Variants in MACF1 observed in about 807,000 individuals in gnomAD.
MACF1 encodes the protein microtubule actin crosslinking factor 1.
A neutral mutation model predicts 854.8 loss-of-function variants in MACF1; 193 were observed. That is an observed-to-expected ratio of 0.23 (90% CI 0.20 to 0.25). The LOEUF (loss-of-function observed/expected upper bound fraction) is 0.25, where lower values mean the gene tolerates loss of function less well. Ranked by LOEUF, MACF1 falls within the 10% of genes least tolerant of loss-of-function variation. The probability of loss-of-function intolerance (pLI) is 1.00; values close to 1 mark genes in which losing one functional copy is unlikely to be tolerated. For missense variants in MACF1, 7,722 were observed against 8,929.1 expected, an observed-to-expected ratio of 0.86 and a Z score of 5.45; for synonymous variants, 3,185 against 3,226.7, an observed-to-expected ratio of 0.99 and a Z score of 0.44.
chr1:39,138,987 C>T, intron 2 of MACF1, among the ~76,000 whole-genome samples: 1 of 152,160 alleles, frequency 6.6e-6, no homozygotes, highest in East Asian at 1.9e-4. Context: ...TTTTTATGAA[C>T]TGTCTGGAGA....
chr1:39,120,376 T>C (rs1642669471), intron 2 of MACF1, among the ~76,000 whole-genome samples: 1 of 152,128 alleles, frequency 6.6e-6, no homozygotes, highest in South Asian at 2.1e-4. Flanking sequence ...GTCTTCCTAC[T>C]ACAAGAGTGA....
At chr1:39,165,300 G>A in intron 2 of MACF1, among the ~76,000 whole-genome samples, 1 of 152,208 alleles carries the variant, frequency 6.6e-6, no homozygotes, top group South Asian at 2.1e-4. Context: ...ATGCTTCTGG[G>A]GTGAGGCCTG....
At chr1:39,274,684 A>C (rs370792088) in intron 6 of MACF1, among the ~76,000 whole-genome samples, 1 of 152,174 alleles carries the variant, frequency 6.6e-6, no homozygotes, top group Non-Finnish European at 1.5e-5. Flanking sequence ...AGGGGTTACT[A>C]TCCTATAGAT....
intron 2 of MACF1, among the ~76,000 whole-genome samples, chr1:39,186,812 G>A (rs1644179924): frequency 6.6e-6 from 1 of 151,578 alleles, no homozygotes; most frequent in Admixed American, 6.6e-5. Context: ...GTCTTGTTTT[G>A]TTCTCCAGGC....
At chr1:39,323,399 TA>T (rs1200233185) in intron 33 of MACF1, among the ~76,000 whole-genome samples, 1 of 151,520 alleles carries the variant, frequency 6.6e-6, no homozygotes, top group South Asian at 2.1e-4. Context: ...CCACAAAAAT[TA>T]AAAAAATTTT....
At chr1:39,423,927 C>T (rs1423496209) in intron 60 of MACF1, 101 bp from the exon 61 acceptor site, 2 of 1,021,686 alleles carry the variant, frequency 2.0e-6, no homozygotes, top group Non-Finnish European at 2.8e-6. Context: ...CTCAATGAAG[C>T]TTAGGATTTG....
rs1480020320 is a variant in MACF1, at chr1:39,360,970, G to A, written c.12422G>A (p.Gly4141Glu). The A allele has an allele frequency of 6.2e-7, 1 of 1,614,102 alleles. No homozygotes were observed. The highest frequency in any genetic ancestry group is 2.2e-5 in the East Asian group (1 of 44,884). Residue 4141 changes from glycine (G) to glutamate (E), a missense_variant, in exon 48 of 101, where the codon GGA becomes GAA. Transcript: ENST00000564288. ...AAGCAGGTGTCATCACTCTCATCAG[G>A]AGTCATCCAGGAAGCCTTAGCCACA... ...EGKQVSSLSS[G>E]VIQEALATNM...
chr1:39,324,020 A>C (rs1263389020), intron 33 of MACF1, among the ~76,000 whole-genome samples, 173 bp from the exon 34 acceptor site: 2 of 152,248 alleles, frequency 1.3e-5, no homozygotes, highest in Non-Finnish European at 2.9e-5. Context: ...GCTCACAAAC[A>C]CCTGTGAGCA....
rs1203119368 is a variant in MACF1 at position 39,387,467 on chromosome 1, C to G, written c.14625C>G (p.Asn4875Lys). Residue 4875 changes from asparagine (N) to lysine (K), a missense_variant, in exon 58 of 101, where the codon AAC becomes AAG. Asn to Lys is a moderately conservative substitution (Grantham distance 94). Around this residue, in one of 15 missense-constraint regions of MACF1, gnomAD observed 2,807 missense variants for 3,235.8 expected, o/e 0.87. Coordinates refer to ENST00000564288, the MANE Select transcript of MACF1 (RefSeq NM_001394062.1). Reference protein sequence around the residue: ...PPGEEKRTLQNQLVELKNHWE... With the variant: ...PPGEEKRTLQKQLVELKNHWE... ...GAGAAGAGAAAAGGACTCTACAAAA[C>G]CAGTTGGTTGAGCTCAAAAACCATT... The G allele has an allele frequency of 6.2e-7, 1 of 1,613,992 alleles. No homozygotes were observed. The highest frequency in any genetic ancestry group is 8.5e-7 in the Non-Finnish European group (1 of 1,180,032).
chr1:39,347,109 G>T lies in MACF1; in HGVS notation c.10714G>T (p.Glu3572Ter). Reference protein sequence around the residue: ...QNRQMLRLLNELQRSFQDILE... With the variant: ...QNRQMLRLLN Reference sequence around the variant, plus strand: ...TCGACAGATGCTGAGGCTTCTGAATGAACTGCAGAGGTCCTTCCAGGACAT... The same window carrying T: ...TCGACAGATGCTGAGGCTTCTGAATTAACTGCAGAGGTCCTTCCAGGACAT... Residue 3572 changes from glutamate (E) to a stop codon, truncating the protein, a stop_gained, in exon 41 of 101, where the codon GAA (glutamate) becomes TAA (stop). Transcript: ENST00000564288. LOFTEE classifies it high-confidence loss of function. 1 of 1,614,086 alleles carries T rather than the reference G, an allele frequency of 6.2e-7. No homozygotes were observed. The highest frequency in any genetic ancestry group is 1.1e-5 in the South Asian group (1 of 91,046).
Position 39,382,029 on chromosome 1 carries a change from C to T in MACF1, c.13725C>T (p.Ala4575=). Residue 4575 remains alanine (A), a synonymous_variant, in exon 56 of 101, where the codon GCC becomes GCT. Transcript: ENST00000564288. The part of the protein sequence containing the change: ...RQLEESASHL[A]CFQAAESQLR... ...TAGAGGAATCTGCAAGTCATCTGGC[C>T]TGCTTCCAGGCTGCAGAATCCCAGC... 1.2e-6 allele frequency: 2 copies of T among 1,614,174 alleles called. No homozygotes were observed. Among genetic ancestry groups the T allele is most frequent in the South Asian group, 2.2e-5 (2 of 91,086 alleles).
chr1:39,452,514 A>G, intron 86 of MACF1, 164 bp downstream of exon 86: 2 of 1,136,764 alleles, frequency 1.8e-6, no homozygotes, highest in East Asian at 4.7e-5. Context: ...TTTGAGAAAT[A>G]ATGAATTCAG....
At chr1:39,461,771 G>T in intron 92 of MACF1, 112 bp from the exon 93 acceptor site, 1 of 794,026 alleles carries the variant, frequency 1.3e-6, no homozygotes, top group Non-Finnish European at 1.9e-6. Flanking sequence ...CAGCCTGGGC[G>T]ACAGAGCAAG....
intron 41 of MACF1, 28 bp downstream of exon 41, chr1:39,347,238 G>A (rs772008964): frequency 6.5e-7 from 1 of 1,535,392 alleles, no homozygotes; most frequent in South Asian, 1.1e-5. Flanking sequence ...GCTGGGCTCA[G>A]TTTGTCTTTG....
intron 58 of MACF1, chr1:39,414,517 A>G: frequency 6.2e-7 from 1 of 1,610,440 alleles, no homozygotes; most frequent in Middle Eastern, 1.7e-4. Context: ...TCTAAAGAGT[A>G]AAGTGAGATT....
intron 43 of MACF1, among the ~76,000 whole-genome samples, chr1:39,352,411 C>T (rs1263275283): frequency 6.6e-6 from 1 of 152,196 alleles, no homozygotes; most frequent in Non-Finnish European, 1.5e-5. Context: ...TGTGCTATTT[C>T]TTACCCTACC....
rs764575233 is a variant in MACF1 at position 39,413,817 on chromosome 1, C to G, written c.15817-8557C>G. On this transcript the variant is annotated intron_variant, in intron 58 of 100. Coordinates refer to ENST00000564288, the MANE Select transcript of MACF1 (RefSeq NM_001394062.1). The stretch of plus-strand genomic sequence containing the variant: ...TGCCCACCCCAGCAGAATCTGCCTC[C>G]TTTGCAGCTGTGGTGGCCACCCTGG... 8.7e-6 allele frequency: 14 copies of G among 1,611,932 alleles called. No homozygotes were observed. In the South Asian group the frequency reaches 1.5e-4, roughly 18 times the overall value.
At chr1:39,294,274 G>A (rs1645855008) in intron 18 of MACF1, among the ~76,000 whole-genome samples, 1 of 152,184 alleles carries the variant, frequency 6.6e-6, no homozygotes, top group African/African-American at 2.4e-5. Context: ...TCTTTTCAAT[G>A]AAAGATGTAG....
chr1:39,332,304 A>G lies in MACF1; in HGVS notation c.5716A>G (p.Ser1906Gly). The change falls in exon 37 of 101, where the codon AGT becomes GGT. Residue 1906 changes from serine (S) to glycine (G), a missense_variant. By Grantham distance (56) the Ser-to-Gly change is moderately conservative. Around this residue, in one of 15 missense-constraint regions of MACF1, gnomAD observed 1,531 missense variants for 1,601.6 expected, o/e 0.96. Transcript: ENST00000564288. ...EILSWKKAIESGILDRDLANN... is the reference protein window; with the variant it reads ...EILSWKKAIEGGILDRDLANN... ...TTTGTCCTGGAAGAAAGCAATAGAAAGTGGTATCCTGGATAGAGATCTTGC... is the reference window on the plus strand; with the variant it reads ...TTTGTCCTGGAAGAAAGCAATAGAAGGTGGTATCCTGGATAGAGATCTTGC... 2 of 1,613,958 alleles carry G rather than the reference A, an allele frequency of 1.2e-6. No homozygotes were observed. The highest frequency in any genetic ancestry group is 1.7e-6 in the Non-Finnish European group (2 of 1,180,024).
Sources: allele counts gnomAD v4.1 joint callset (sites outside exome capture counted in the v4.1 genomes callset), GRCh38; gene constraint gnomAD v4.1.1; regional missense constraint gnomAD v4.1.1; transcripts MANE v1.5; gene names NCBI Gene and HGNC (gene_info 2026-07-23, HGNC 2026-07-21).